The following LRGUK variants were observed in gnomAD, a reference collection of about 807,000 sequenced individuals.
LRGUK encodes the protein leucine-rich repeat and guanylate kinase domain-containing protein.
In LRGUK, 65 loss-of-function variants were observed where a neutral mutation model predicts 76.0. The observed-to-expected ratio is 0.85, with a 90% CI of 0.70 to 1.05. The LOEUF is 1.05. Ranked by LOEUF, LRGUK falls within the 50% of genes least tolerant of loss-of-function variation. The pLI is 0.00. For missense variants in LRGUK, 758 were observed against 732.8 expected (o/e 1.03, Z -0.40); for synonymous variants, 268 against 265.6 (o/e 1.01, Z -0.09).
chr7:134,233,702 A>G (rs1801952901), intron 16 of LRGUK, among the ~76,000 whole-genome samples: 2 of 152,208 alleles, frequency 1.3e-5, no homozygotes, highest in African/African-American at 2.4e-5. Context: ...ATTTTTCAGT[A>G]TTAACACATC....
intron 16 of LRGUK, among the ~76,000 whole-genome samples, chr7:134,234,932 C>T (rs1801980061): frequency 6.6e-6 from 1 of 152,272 alleles, no homozygotes; most frequent in Non-Finnish European, 1.5e-5. Flanking sequence ...TCTCTCCCAA[C>T]CCAATATCCA....
chr7:134,209,380 C>T lies in LRGUK; in HGVS notation c.2517C>T (p.Gly839=), dbSNP rs1468470055. 1.0e-5 allele frequency: 4 copies of T among 398,994 alleles called. No homozygotes were observed. In the East Asian group the frequency reaches 1.1e-4, roughly 11 times the overall value. 24.7% of individuals were successfully genotyped at this position (398,994 alleles called of 1,614,324 possible). The stretch of plus-strand genomic sequence containing the variant: ...CTGACTTGGTGCAGAAACTTGCTGG[C>T]GATTCTCAGCAAGCTCTGAAGGAGG... The change falls in exon 16 of 16, where the codon GGC becomes GGT. Residue 839 remains glycine, a synonymous_variant. Coordinates refer to ENST00000645682, the Ensembl canonical transcript of LRGUK.
chr7:134,263,001 T>C (rs893675520), intron 19 of LRGUK, among the ~76,000 whole-genome samples: 3 of 148,748 alleles, frequency 2.0e-5, no homozygotes, highest in Admixed American at 2.0e-4. Flanking sequence ...AAAGGAGGAG[T>C]TTTTTTTCTT....
intron 1 of LRGUK, among the ~76,000 whole-genome samples, chr7:134,133,835 G>A (rs747452828): frequency 2.6e-5 from 4 of 152,088 alleles, no homozygotes; most frequent in East Asian, 1.9e-4. Context: ...GGAAGTGGGC[G>A]GATCACTTGA....
intron 1 of LRGUK, among the ~76,000 whole-genome samples, chr7:134,134,174 C>T (rs1347547541): frequency 1.3e-5 from 2 of 152,090 alleles, no homozygotes; most frequent in Non-Finnish European, 2.9e-5. Flanking sequence ...TGTGAACAGA[C>T]TGGAGATTTG....
At chr7:134,250,820 A>G (rs1802424074) in intron 18 of LRGUK, among the ~76,000 whole-genome samples, 1 of 152,208 alleles carries the variant, frequency 6.6e-6, no homozygotes, top group Non-Finnish European at 1.5e-5. Context: ...AGAAAACAAA[A>G]TGGCCTAATG....
chr7:134,154,795 C>T (rs1162687121), intron 5 of LRGUK, among the ~76,000 whole-genome samples: 4 of 152,186 alleles, frequency 2.6e-5, no homozygotes, highest in African/African-American at 4.8e-5. Flanking sequence ...TTTCAGAACA[C>T]GTGACTAGCT....
chr7:134,212,926 TCA>T (rs1585565334), downstream of LRGUK, among the ~76,000 whole-genome samples: 3 of 152,270 alleles, frequency 2.0e-5, no homozygotes, highest in East Asian at 5.8e-4. Context: ...TTTCCAGATG[TCA>T]TAAGAATACC....
chr7:134,264,090 G>C, exon 20 of LRGUK: 1 of 1,025,398 alleles, frequency 9.8e-7, no homozygotes, highest in Admixed American at 3.8e-5. Flanking sequence ...ACCCACGGAA[G>C]AATGTTCTAC....
At chr7:134,127,517 G>A (rs1323093580) in exon 1 of LRGUK, 2 of 1,614,184 alleles carry the variant, frequency 1.2e-6, no homozygotes, top group Non-Finnish European at 1.7e-6. Flanking sequence ...GGCAGAAGAC[G>A]AAAGGCAGCT....
At chr7:134,151,984 T>A (rs1585445094) in intron 5 of LRGUK, among the ~76,000 whole-genome samples, 2 of 152,114 alleles carry the variant, frequency 1.3e-5, no homozygotes, top group East Asian at 3.9e-4. Context: ...TGGGAATAAG[T>A]TAGGATGTCT....
chr7:134,134,060 T>TAA lies in LRGUK; in HGVS notation c.298-2954_298-2953dup, dbSNP rs34615919. Among the ~76,000 whole-genome samples the TAA allele has an allele frequency of 8.9e-5, 13 of 145,720 alleles. No homozygotes were observed. The East Asian group carries it at 2.2e-3, about 25-fold the overall frequency. On this transcript the variant is annotated intron_variant, in intron 1 of 15. Transcript: ENST00000645682. ...CCAGGTGACAGAGCGAGACCATGCC[T>TAA]AAAAAAAAAAGAAAAAGAAAAAAAG...
intron 3 of LRGUK, among the ~76,000 whole-genome samples, chr7:134,141,421 C>T (rs184517182): frequency 2.9e-3 from 444 of 152,212 alleles, no homozygotes; most frequent in African/African-American, 0.01. Context: ...GACCACATGC[C>T]GAAAACCAGT....
intron 12 of LRGUK, among the ~76,000 whole-genome samples, chr7:134,195,708 A>G: frequency 6.6e-6 from 1 of 152,210 alleles, no homozygotes; most frequent in Non-Finnish European, 1.5e-5. Flanking sequence ...TAAAGTGTCT[A>G]TCTGAAAGGA....
chr7:134,152,338 G>T (rs28830254), intron 5 of LRGUK, among the ~76,000 whole-genome samples: 3 of 151,776 alleles, frequency 2.0e-5, no homozygotes, highest in Non-Finnish European at 4.4e-5. Context: ...GGGATAGGGG[G>T]ACTAACAAAA....
intron 16 of LRGUK, among the ~76,000 whole-genome samples, chr7:134,236,148 A>T (rs1257284750): frequency 6.6e-6 from 1 of 152,168 alleles, no homozygotes; most frequent in African/African-American, 2.4e-5. Context: ...TGTATAGATT[A>T]TTATAAGGCA....
chr7:134,157,101 G>A (rs1236138572), intron 5 of LRGUK, among the ~76,000 whole-genome samples: 3 of 152,068 alleles, frequency 2.0e-5, no homozygotes, highest in South Asian at 2.1e-4. Context: ...GAACACAGAA[G>A]GTAAGCTAAA....
chr7:134,141,472 A>T (rs943667372), intron 3 of LRGUK: 99 of 152,376 alleles, frequency 6.5e-4, no homozygotes, highest in African/African-American at 2.4e-3. Context: ...GTGGGCAAGG[A>T]GGTCACTGCA....
At chr7:134,199,120 T>G (rs1354503601) in intron 13 of LRGUK, 100 bp from the exon 14 acceptor site, 17 of 820,350 alleles carry the variant, frequency 2.1e-5, no homozygotes, top group Non-Finnish European at 3.3e-5. Flanking sequence ...TTCAATATAT[T>G]AATAATACTA....
Sources: gnomAD v4.1 joint callset for allele counts (sites outside exome capture counted in the v4.1 genomes callset) on GRCh38, gnomAD v4.1.1 for gene constraint, MANE v1.5 for transcripts, NCBI Gene and HGNC (gene_info 2026-07-23, HGNC 2026-07-21) for gene names.